The following TBPL2 variants were observed in gnomAD, a reference collection of about 807,000 sequenced individuals.
TBPL2 encodes TATA-box binding protein like 2, also known as TATA box-binding protein-like 2.
TBPL2 carries 40 observed loss-of-function variants against 38.2 expected under a neutral mutation model. That is an observed-to-expected ratio of 1.05 (90% CI 0.81 to 1.36). The LOEUF is 1.36. TBPL2 is among the 40% of genes most tolerant of loss of function. The pLI is 0.00. For synonymous variants in TBPL2, 169 were observed against 171.7 expected, an observed-to-expected ratio of 0.98 and a Z score of 0.12; for missense variants, 461 against 456.7, an observed-to-expected ratio of 1.01 and a Z score of -0.09.
intron 2 of TBPL2, 26 bp from the exon 3 acceptor site, chr14:55,435,960 C>A: frequency 9.7e-5 from 123 of 1,270,080 alleles, no homozygotes; most frequent in Non-Finnish European, 1.2e-4. Flanking sequence ...AGTTTAGAAA[C>A]TTATATCAGA....
At chr14:55,438,245 A>G (rs957309361) in intron 1 of TBPL2, among the ~76,000 whole-genome samples, 7 of 152,196 alleles carry the variant, frequency 4.6e-5, no homozygotes, top group Non-Finnish European at 1.5e-5. Context: ...ACTGGAGCCT[A>G]TTGGAGTGTT....
intron 6 of TBPL2, among the ~76,000 whole-genome samples, chr14:55,423,010 G>A (rs1330791289): frequency 6.6e-6 from 1 of 151,600 alleles, no homozygotes; most frequent in African/African-American, 2.4e-5. Flanking sequence ...AACAAATATA[G>A]CAAAGAATAA....
At chr14:55,422,916 A>G (rs765323458) in intron 6 of TBPL2, among the ~76,000 whole-genome samples, 4 of 152,124 alleles carry the variant, frequency 2.6e-5, no homozygotes, top group Non-Finnish European at 5.9e-5. Flanking sequence ...TGACATAGAA[A>G]AGAGTCTGAA....
intron 5 of TBPL2, among the ~76,000 whole-genome samples, chr14:55,427,941 C>T (rs1354403910): frequency 1.5e-5 from 2 of 135,584 alleles, no homozygotes; most frequent in Admixed American, 7.8e-5. Flanking sequence ...TGCAGTGGCG[C>T]GATCTCTCAC....
At chr14:55,440,032 G>A (rs913116258) in intron 1 of TBPL2, among the ~76,000 whole-genome samples, 4 of 148,288 alleles carry the variant, frequency 2.7e-5, no homozygotes, top group Non-Finnish European at 6.0e-5. Context: ...CCCAGGAGGC[G>A]GAGGTTGCAG....
chr14:55,423,555 C>T (rs1268757339), intron 6 of TBPL2, among the ~76,000 whole-genome samples: 1 of 152,242 alleles, frequency 6.6e-6, no homozygotes, highest in African/African-American at 2.4e-5. Context: ...GGTAGGTCTG[C>T]TGGCTAAAGC....
rs146669202 is a variant in TBPL2 at position 55,433,674 on chromosome 14, G to T, written c.744C>A (p.Ala248=). 14 of 1,613,788 alleles carry T rather than the reference G, an allele frequency of 8.7e-6. No homozygotes were observed. In the African/African-American group the frequency reaches 1.9e-4, roughly 22 times the overall value. Residue 248 remains alanine (A), a synonymous_variant, in exon 4 of 7, where the codon GCC becomes GCA. Transcript: ENST00000247219. ...CCATCTTCCCAGAGCTAAATATAAG[G>T]GCTGTTGTCCTGGGCTCTCGGATCC...
rs1354864816 is a variant in TBPL2 at position 55,420,148 on chromosome 14, G to A, written c.1051+4011C>T. 2.0e-5 allele frequency among the ~76,000 whole-genome samples: 3 copies of A among 152,288 alleles called. No homozygotes were observed. The East Asian group carries it at 5.8e-4, about 29-fold the overall frequency. On this transcript the variant is annotated intron_variant, in intron 6 of 6. Transcript: ENST00000247219. ...TGCAGTGGCACGATCTCGGCTCACT[G>A]CAACTTCCGCCTCCCAGGTTCAAGC...
intron 4 of TBPL2, among the ~76,000 whole-genome samples, chr14:55,432,741 G>A (rs989689904): frequency 6.6e-6 from 1 of 152,156 alleles, no homozygotes; most frequent in Non-Finnish European, 1.5e-5. Context: ...CGAGAAATTG[G>A]CACAACTTTT....
chr14:55,438,283 G>A (rs1265138901), intron 1 of TBPL2, among the ~76,000 whole-genome samples: 2 of 152,180 alleles, frequency 1.3e-5, no homozygotes, highest in East Asian at 1.9e-4. Flanking sequence ...GCAGGTGGCA[G>A]GGGTGACTAA....
exon 2 of TBPL2, chr14:55,436,642 T>A (rs1389752068): frequency 1.2e-6 from 2 of 1,612,864 alleles, no homozygotes; most frequent in East Asian, 2.2e-5. Flanking sequence ...AGACAAGGAG[T>A]CGGAGTTTGG....
At chr14:55,416,521 C>T (rs1415962297) in intron 6 of TBPL2, among the ~76,000 whole-genome samples, 2 of 152,154 alleles carry the variant, frequency 1.3e-5, no homozygotes, top group African/African-American at 2.4e-5. Context: ...AGGTCTTCAC[C>T]TTCAAAGATT....
exon 7 of TBPL2, chr14:55,414,241 G>C (rs1227052311): frequency 1.5e-6 from 1 of 649,630 alleles, no homozygotes; most frequent in Non-Finnish European, 2.6e-6. Context: ...CGTTTCTTAG[G>C]TTACTTACAC....
At chr14:55,439,891 A>C (rs1323397819) in intron 1 of TBPL2, among the ~76,000 whole-genome samples, 1 of 138,314 alleles carries the variant, frequency 7.2e-6, no homozygotes, top group African/African-American at 2.7e-5. Flanking sequence ...AGATCGCGCC[A>C]CTGCACTCCA....
chr14:55,427,880 CTTTTT>C (rs551473740), intron 5 of TBPL2, among the ~76,000 whole-genome samples: 3 of 130,888 alleles, frequency 2.3e-5, no homozygotes, highest in Admixed American at 7.9e-5. Flanking sequence ...GTTAGGATTG[CTTTTT>C]TTTTTTTTTT....
chr14:55,429,557 A>G (rs1434838580), intron 4 of TBPL2, among the ~76,000 whole-genome samples: 1 of 152,210 alleles, frequency 6.6e-6, no homozygotes, highest in Non-Finnish European at 1.5e-5. Flanking sequence ...TGAGGACAGT[A>G]GCTCGAGACC....
chr14:55,417,617 G>A (rs1262027592), intron 6 of TBPL2, among the ~76,000 whole-genome samples: 1 of 152,086 alleles, frequency 6.6e-6, no homozygotes, highest in Non-Finnish European at 1.5e-5. Flanking sequence ...GCACCACCAT[G>A]TCTGGCTAAT....
chr14:55,419,240 G>C (rs1885709703), intron 6 of TBPL2, among the ~76,000 whole-genome samples: 1 of 152,186 alleles, frequency 6.6e-6, no homozygotes, highest in Non-Finnish European at 1.5e-5. Context: ...GCTTGATATC[G>C]TTAAGTTTAC....
chr14:55,414,366 C>A, exon 7 of TBPL2: 1 of 1,579,990 alleles, frequency 6.3e-7, no homozygotes, highest in Non-Finnish European at 8.6e-7. Context: ...ATGTGAGATG[C>A]TGAATGATAT....
Sources: allele counts gnomAD v4.1 joint callset (sites outside exome capture counted in the v4.1 genomes callset), GRCh38; gene constraint gnomAD v4.1.1; transcripts MANE v1.5; gene names NCBI Gene and HGNC (gene_info 2026-07-23, HGNC 2026-07-21).